Variants in RIMS1 observed in about 807,000 individuals in gnomAD.
RIMS1 encodes the protein regulating synaptic membrane exocytosis protein 1.
In RIMS1, 83 loss-of-function variants were observed where a neutral mutation model predicts 214.1. The observed-to-expected ratio is 0.39, with a 90% CI of 0.32 to 0.47. RIMS1 has a LOEUF of 0.47. Ranked by LOEUF, RIMS1 falls within the 20% of genes least tolerant of loss-of-function variation. The pLI is 0.99. For synonymous variants in RIMS1, 793 were observed against 786.8 expected (o/e 1.01, Z -0.13); for missense variants, 2,050 against 2,161.8 (o/e 0.95, Z 1.03).
chr6:71,942,134 C>A (rs1425448602), intron 1 of RIMS1, among the ~76,000 whole-genome samples: 1 of 152,154 alleles, frequency 6.6e-6, no homozygotes, highest in Admixed American at 6.5e-5. Flanking sequence ...TTTTATTCTG[C>A]AGATCTTCAT....
intron 1 of RIMS1, among the ~76,000 whole-genome samples, chr6:71,961,338 C>A (rs1001850332): frequency 2.0e-5 from 3 of 152,024 alleles, no homozygotes; most frequent in African/African-American, 7.2e-5. Context: ...AAACTCTTCT[C>A]CTCTTCTCTC....
At chr6:72,030,605 T>C (rs1817810722) in intron 2 of RIMS1, among the ~76,000 whole-genome samples, 2 of 152,136 alleles carry the variant, frequency 1.3e-5, no homozygotes, top group African/African-American at 4.8e-5. Flanking sequence ...ACTACACAAT[T>C]ACATTTTAAT....
chr6:72,198,031 T>G (rs527560319), intron 6 of RIMS1, among the ~76,000 whole-genome samples: 8 of 152,094 alleles, frequency 5.3e-5, no homozygotes, highest in Non-Finnish European at 1.0e-4. Flanking sequence ...AGTTGATGAA[T>G]GCCTTCAAAA....
chr6:72,000,224 T>A, intron 2 of RIMS1, among the ~76,000 whole-genome samples: 1 of 152,096 alleles, frequency 6.6e-6, no homozygotes, highest in East Asian at 1.9e-4. Flanking sequence ...GAAAAACATA[T>A]CCTGATTCAC....
intron 6 of RIMS1, among the ~76,000 whole-genome samples, chr6:72,209,219 G>A (rs543305396): frequency 2.6e-5 from 4 of 152,278 alleles, no homozygotes; most frequent in Non-Finnish European, 5.9e-5. Context: ...GATAGATAGC[G>A]TCAAATACTT....
At chr6:72,054,494 A>G (rs1825616557) in intron 2 of RIMS1, among the ~76,000 whole-genome samples, 1 of 152,206 alleles carries the variant, frequency 6.6e-6, no homozygotes. Flanking sequence ...TCCTTGAGGA[A>G]TCACAACACT....
chr6:72,247,336 C>T (rs546733572), intron 11 of RIMS1, among the ~76,000 whole-genome samples: 4 of 151,998 alleles, frequency 2.6e-5, no homozygotes, highest in East Asian at 1.9e-4. Context: ...GTCAGGAGTT[C>T]GAGACCAGCC....
rs1192842573 is a variant in RIMS1 at position 72,259,085 on chromosome 6, T to C, written c.3027T>C (p.Asp1009=). Residue 1009 remains aspartate (D), a synonymous_variant, in exon 18 of 34, where the codon GAT becomes GAC. Transcript: ENST00000521978. ...SPVDHRTRDV[D]SQYLSEQDSE... Reference sequence around the variant, plus strand: ...TTGATCATAGAACCAGAGATGTGGATAGTCAGTATTTATCAGAACAAGACA... The same window carrying C: ...TTGATCATAGAACCAGAGATGTGGACAGTCAGTATTTATCAGAACAAGACA... 3 of 1,612,432 alleles carry C rather than the reference T, an allele frequency of 1.9e-6. No homozygotes were observed. The highest frequency in any genetic ancestry group is 1.3e-5 in the African/African-American group (1 of 74,858).
chr6:72,176,735 C>G (rs1018232021), intron 4 of RIMS1, among the ~76,000 whole-genome samples: 1 of 151,778 alleles, frequency 6.6e-6, no homozygotes, highest in South Asian at 2.1e-4. Flanking sequence ...ATGTTAAAAA[C>G]AAAAAAATTA....
At chr6:72,040,404 C>A (rs368908095) in intron 2 of RIMS1, among the ~76,000 whole-genome samples, 2 of 151,964 alleles carry the variant, frequency 1.3e-5, no homozygotes, top group African/African-American at 4.8e-5. Flanking sequence ...TTTGGAAATG[C>A]CTGTCTAGAT....
intron 2 of RIMS1, among the ~76,000 whole-genome samples, chr6:72,033,054 T>G (rs945312545): frequency 6.6e-6 from 1 of 152,198 alleles, no homozygotes; most frequent in Non-Finnish European, 1.5e-5. Context: ...CTAAAAGATA[T>G]GTAGACATTT....
intron 29 of RIMS1, among the ~76,000 whole-genome samples, chr6:72,360,148 T>C (rs2097772204): frequency 6.6e-6 from 1 of 152,180 alleles, no homozygotes; most frequent in South Asian, 2.1e-4. Flanking sequence ...GAGACTAGTT[T>C]CTGCTTACTC....
At chr6:71,937,985 T>A (rs1784962884) in intron 1 of RIMS1, among the ~76,000 whole-genome samples, 1 of 152,188 alleles carries the variant, frequency 6.6e-6, no homozygotes, top group Admixed American at 6.5e-5. Flanking sequence ...TGATTCGTCC[T>A]GAGGCAAATT....
chr6:72,349,808 A>G lies in RIMS1; in HGVS notation c.4366+15973A>G, dbSNP rs185265225. Among the ~76,000 whole-genome samples the G allele has an allele frequency of 4.0e-4, 61 of 152,200 alleles. 1 individual carries two copies. Among genetic ancestry groups the G allele is most frequent in the African/African-American group, 1.4e-3 (59 of 41,574 alleles). ...CTACCTTGGGAAGTACACTCAACCT[A>G]TTATTCAATTGTTTTTAAAAAGGAA... On this transcript the variant is annotated intron_variant, in intron 29 of 33. Transcript: ENST00000521978.
At chr6:72,353,142 G>A (rs187764615) in intron 29 of RIMS1, among the ~76,000 whole-genome samples, 1 of 151,584 alleles carries the variant, frequency 6.6e-6, no homozygotes, top group Non-Finnish European at 1.5e-5. Context: ...CCACTACCAC[G>A]CTCAGCTAGT....
At chr6:72,167,148 T>C (rs2153947062) in intron 4 of RIMS1, among the ~76,000 whole-genome samples, 1 of 152,020 alleles carries the variant, frequency 6.6e-6, no homozygotes, top group South Asian at 2.1e-4. Flanking sequence ...TTAAAAGTGT[T>C]GGATTTTGTC....
At chr6:72,115,714 G>C (rs534618143) in intron 4 of RIMS1, among the ~76,000 whole-genome samples, 1 of 151,616 alleles carries the variant, frequency 6.6e-6, no homozygotes. Flanking sequence ...CTCAACTGTG[G>C]GGTTAATATT....
At chr6:72,070,664 C>A (rs1205098536) in intron 2 of RIMS1, among the ~76,000 whole-genome samples, 4 of 152,166 alleles carry the variant, frequency 2.6e-5, no homozygotes, top group Non-Finnish European at 2.9e-5. Flanking sequence ...TCCCAAGCAA[C>A]TCTCCTGAAC....
In RIMS1 at chr6:72,265,426, G is replaced by A; in HGVS notation, c.3231G>A (p.Val1077=). The A allele has an allele frequency of 6.2e-7, 1 of 1,609,268 alleles. No individual in the cohort carries two copies. Among genetic ancestry groups the A allele is most frequent in the Non-Finnish European group, 8.5e-7 (1 of 1,176,698 alleles). ...CTGCACATACTAAGACCAAATCAGT[G>A]ACTAGACAGGACATTTCCCTTCATC... ...ILPAHTKTKS[V]TRQDISLHHE... The change falls in exon 21 of 34, where the codon GTG becomes GTA. Residue 1077 remains valine, a synonymous_variant. Coordinates refer to ENST00000521978, the MANE Select transcript of RIMS1 (RefSeq NM_014989.7).
Sources: allele counts gnomAD v4.1 joint callset (sites outside exome capture counted in the v4.1 genomes callset), GRCh38; gene constraint gnomAD v4.1.1; transcripts MANE v1.5; gene names NCBI Gene and HGNC (gene_info 2026-07-23, HGNC 2026-07-21).